BRSK2: variants seen among roughly 807,000 people sequenced by gnomAD.
BRSK2 encodes the protein BR serine/threonine kinase 2, also known as serine/threonine-protein kinase BRSK2.
Under a neutral mutation model 83.3 loss-of-function variants are expected in BRSK2, and 19 were observed. The ratio of observed to expected loss-of-function variants is 0.23; its 90% CI spans 0.16 to 0.33. The LOEUF (loss-of-function observed/expected upper bound fraction) is 0.33, where lower values mean the gene tolerates loss of function less well. BRSK2 is among the 10% of genes least tolerant of loss of function. The probability of loss-of-function intolerance (pLI) is 1.00; values close to 1 mark genes in which losing one functional copy is unlikely to be tolerated. For missense variants in BRSK2, 798 were observed against 1,042.3 expected (o/e 0.77, Z 3.23); for synonymous variants, 519 against 435.4 (o/e 1.19, Z -2.39).
intron 12 of BRSK2, among the ~76,000 whole-genome samples, chr11:1,446,880 C>A (rs1318999118): frequency 2.6e-5 from 4 of 152,160 alleles, no homozygotes; most frequent in African/African-American, 9.7e-5. Flanking sequence ...CCCAGGGCCC[C>A]CTCCTTGTAC....
Position 1,454,446 on chromosome 11 carries a change from A to C in BRSK2, c.1545-39A>C. 1 of 1,610,504 alleles carries C rather than the reference A, an allele frequency of 6.2e-7. No homozygotes were observed. The highest frequency in any genetic ancestry group is 8.5e-7 in the Non-Finnish European group (1 of 1,178,802). On this transcript the variant is annotated intron_variant, in intron 15 of 19. Coordinates refer to ENST00000528841, the MANE Select transcript of BRSK2 (RefSeq NM_001256627.2). The surrounding 1 kb of genome is among the most constrained non-coding windows in gnomAD (Gnocchi z 5.2). ...GGGAGGCAGGGGTGTGGACGGTGCC[A>C]CACCTCAATCCTCACAGCCTCTGTC... is the stretch of plus-strand genomic sequence containing the variant.
At position 1,446,923 on chromosome 11, in the gene BRSK2, G is replaced by C. The variant is rs556459986; in HGVS notation, c.1226+1016G>C. On this transcript the variant is annotated intron_variant, in intron 12 of 19. Coordinates refer to ENST00000528841, the MANE Select transcript of BRSK2 (RefSeq NM_001256627.2). Reference sequence around the variant, plus strand: ...GTGGGGGGTGGGACAGGCGTGGCCTGTTCCTCGGGAACTTGGGGGAAGCTG... The same window carrying C: ...GTGGGGGGTGGGACAGGCGTGGCCTCTTCCTCGGGAACTTGGGGGAAGCTG... 2.6e-3 allele frequency among the ~76,000 whole-genome samples: 401 copies of C among 152,264 alleles called. 3 individuals are homozygous for C. Among genetic ancestry groups the C allele is most frequent in the African/African-American group, 9.2e-3 (381 of 41,546 alleles).
rs746178541 is a variant in BRSK2 at position 1,460,743 on chromosome 11, C to G, written c.*20C>G. 3,618 of 1,383,740 alleles carry G rather than the reference C, an allele frequency of 2.6e-3. 90 individuals are homozygous for G. In the African/African-American group the frequency reaches 0.05, roughly 19 times the overall value. The allele number at this position is 1,383,740 out of a possible 1,614,324, so 85.7% of individuals were successfully genotyped here. ...CCTTAGACACACTAGCCCCCCCCCC[C>G]AGCACAGCACTGACAGCGGCTGCCT... On this transcript the variant is annotated 3_prime_UTR_variant, in exon 20 of 20. Coordinates refer to ENST00000528841, the MANE Select transcript of BRSK2 (RefSeq NM_001256627.2).
intron 19 of BRSK2, among the ~76,000 whole-genome samples, chr11:1,460,243 G>A (rs1271946036): frequency 3.9e-5 from 6 of 152,038 alleles, no homozygotes; most frequent in Non-Finnish European, 5.9e-5. Flanking sequence ...GCCCCACGGC[G>A]CACAGCTTCC....
At chr11:1,396,602 C>T (rs547480903) in intron 1 of BRSK2, among the ~76,000 whole-genome samples, 94 of 152,324 alleles carry the variant, frequency 6.2e-4, no homozygotes, top group Non-Finnish European at 1.1e-3. Context: ...GAGGAGCCGT[C>T]GGGAAGGCCC....
chr11:1,450,593 C>G lies in BRSK2; in HGVS notation c.1294C>G (p.Pro432Ala), dbSNP rs762306078. 1 of 1,568,896 alleles carries G rather than the reference C, an allele frequency of 6.4e-7. No homozygotes were observed. The highest frequency in any genetic ancestry group is 1.1e-5 in the South Asian group (1 of 86,972). ...ATCTGTCCCCACCATACAGGTGACCCCTCACCCCTCACCAAGGGGCAGTCC... is the reference window on the plus strand; with the variant it reads ...ATCTGTCCCCACCATACAGGTGACCGCTCACCCCTCACCAAGGGGCAGTCC... ...TSPLSSPRVTPHPSPRGSPLP... is the reference protein window; with the variant it reads ...TSPLSSPRVTAHPSPRGSPLP... Residue 432 changes from proline to alanine, a missense_variant, in exon 14 of 20, where the codon CCT becomes GCT. Physicochemically the swap from Pro to Ala is conservative, Grantham distance 27 (BLOSUM62 -1). Transcript: ENST00000528841.
At chr11:1,447,771 G>A (rs758284322) in intron 12 of BRSK2, 3 of 1,591,176 alleles carry the variant, frequency 1.9e-6, no homozygotes, top group Admixed American at 1.7e-5. Context: ...GTCAGTAACT[G>A]TGTTTTCTCG....
chr11:1,396,073 G>A (rs1360829284), intron 1 of BRSK2, among the ~76,000 whole-genome samples: 5 of 152,276 alleles, frequency 3.3e-5, no homozygotes, highest in East Asian at 1.9e-4. Context: ...CCCCACCATC[G>A]TTGGCTGCCG....
chr11:1,449,736 C>A, intron 12 of BRSK2, 40 bp from the exon 13 acceptor site: 1 of 1,569,878 alleles, frequency 6.4e-7, no homozygotes, highest in Non-Finnish European at 8.7e-7. Flanking sequence ...GCTCCACTGC[C>A]CCCTGGCTGA....
intron 1 of BRSK2, among the ~76,000 whole-genome samples, chr11:1,418,497 G>T (rs10833651): frequency 0.044 from 3,891 of 88,974 alleles, 510 homozygotes; most frequent in Middle Eastern, 0.11. Context: ...CTGCTTCTGT[G>T]GGCTGTTTCT....
intron 15 of BRSK2, among the ~76,000 whole-genome samples, chr11:1,453,252 C>A (rs1328935854): frequency 2.6e-5 from 4 of 152,250 alleles, no homozygotes; most frequent in African/African-American, 9.6e-5. Flanking sequence ...ACAGTGCAGG[C>A]CCCTCACCCC....
At chr11:1,426,223 TGTGTGTGGGGCGTGCTCCGGGG>T in intron 1 of BRSK2, among the ~76,000 whole-genome samples, 1 of 92,076 alleles carries the variant, frequency 1.1e-5, no homozygotes, top group Non-Finnish European at 2.2e-5. Context: ...GCACTGGGGA[TGTGTGTGGGGCGTGCTCCGGGG>T]ATGTGTGTGG....
chr11:1,451,316 G>A lies in BRSK2; in HGVS notation c.1496-55G>A, dbSNP rs541742099. ...ACCTCGGCGCAAGGTGGCCAGGGCA[G>A]GGGAAGGATGGAGCGGTCACCACGC... On this transcript the variant is annotated intron_variant, in intron 14 of 19. Transcript: ENST00000528841. 5 of 1,605,046 alleles carry A rather than the reference G, an allele frequency of 3.1e-6. No individual in the cohort carries two copies. The Admixed American group carries it at 8.3e-5, about 27-fold the overall frequency.
At position 1,436,065 on chromosome 11, in the gene BRSK2, C is replaced by T. The variant is rs369020937; in HGVS notation, c.117C>T (p.Cys39=). 3.2e-5 allele frequency: 52 copies of T among 1,607,944 alleles called. 1 individual carries two copies. Among genetic ancestry groups the T allele is most frequent in the African/African-American group, 2.6e-4 (19 of 74,456 alleles). Residue 39 remains cysteine (C), a synonymous_variant, in exon 2 of 20, where the codon TGC becomes TGT. Transcript: ENST00000528841. ...GTCTGGTGAAGCTGGGGGTTCACTGCGTCACCTGCCAGAAGGTGGCCATCA... is the reference window on the plus strand; with the variant it reads ...GTCTGGTGAAGCTGGGGGTTCACTGTGTCACCTGCCAGAAGGTGGCCATCA... ...QTGLVKLGVH[C]VTCQKVAIKI...
In BRSK2 at chr11:1,447,391, A is replaced by G. The variant is rs1209320755; in HGVS notation, c.1226+1484A>G. The stretch of plus-strand genomic sequence containing the variant: ...GGCCGCCCTCTTGGCCTCTGCTGCA[A>G]CTCCCAGGCCTGGCTGCCTGGGGCA... On this transcript the variant is annotated intron_variant, in intron 12 of 19. Coordinates refer to ENST00000528841, the MANE Select transcript of BRSK2 (RefSeq NM_001256627.2). 4.6e-5 allele frequency among the ~76,000 whole-genome samples: 7 copies of G among 151,408 alleles called. No homozygotes were observed. The East Asian group carries it at 1.4e-3, about 30-fold the overall frequency.
chr11:1,443,203 G>C, intron 6 of BRSK2, 64 bp downstream of exon 6: 1 of 1,525,002 alleles, frequency 6.6e-7, no homozygotes, highest in African/African-American at 1.4e-5. Flanking sequence ...GACCCTGGTG[G>C]GACCCCAGCC....
chr11:1,444,168 C>T (rs542012590), intron 8 of BRSK2, among the ~76,000 whole-genome samples: 1 of 152,200 alleles, frequency 6.6e-6, no homozygotes, highest in Non-Finnish European at 1.5e-5. Context: ...CCCATCACGG[C>T]CATCCTGCCT....
chr11:1,435,105 C>T (rs367561692), intron 1 of BRSK2, among the ~76,000 whole-genome samples: 101 of 151,204 alleles, frequency 6.7e-4, no homozygotes, highest in African/African-American at 2.1e-3. Flanking sequence ...GCTGCCGGGC[C>T]GTGGAGGTCT....
chr11:1,406,781 G>A (rs1259692831), intron 1 of BRSK2, among the ~76,000 whole-genome samples: 1 of 152,210 alleles, frequency 6.6e-6, no homozygotes, highest in African/African-American at 2.4e-5. Context: ...GGTGGGGCTG[G>A]CAGGGTGTCA....
Sources: gnomAD v4.1 joint callset for allele counts (sites outside exome capture counted in the v4.1 genomes callset) on GRCh38, gnomAD v4.1.1 for gene constraint, Gnocchi (gnomAD v3.1) non-coding constraint, MANE v1.5 for transcripts, NCBI Gene and HGNC (gene_info 2026-07-23, HGNC 2026-07-21) for gene names.